NPAS3: variants seen among roughly 807,000 people sequenced by gnomAD.
NPAS3 encodes the protein neuronal PAS domain-containing protein 3.
A neutral mutation model predicts 73.1 loss-of-function variants in NPAS3; 14 were observed. That is an observed-to-expected ratio of 0.19 (90% CI 0.13 to 0.30). NPAS3 has a LOEUF of 0.30. Among genes scored for constraint, NPAS3 ranks in the 10% least tolerant of loss-of-function variants. The pLI is 1.00. For synonymous variants in NPAS3, 620 were observed against 541.5 expected, an observed-to-expected ratio of 1.14 and a Z score of -2.01; for missense variants, 1,096 against 1,250.0, an observed-to-expected ratio of 0.88 and a Z score of 1.86.
At chr14:33,186,894 G>A (rs1463233439) in intron 2 of NPAS3, among the ~76,000 whole-genome samples, 2 of 152,248 alleles carry the variant, frequency 1.3e-5, no homozygotes, top group South Asian at 2.1e-4. Flanking sequence ...CTGGGGAATT[G>A]CTACTGGCAT....
At chr14:33,376,047 C>T (rs2140457502) in intron 4 of NPAS3, among the ~76,000 whole-genome samples, 1 of 152,250 alleles carries the variant, frequency 6.6e-6, no homozygotes, top group Non-Finnish European at 1.5e-5. Flanking sequence ...CAAGAATTAT[C>T]TCACTGGTCT....
chr14:33,774,305 A>C, intron 7 of NPAS3, 32 bp from the exon 8 acceptor site: 1 of 1,559,350 alleles, frequency 6.4e-7, no homozygotes. Context: ...TGTAAATTTG[A>C]CTGGTGTCCT....
At position 33,024,421 on chromosome 14, in the gene NPAS3, C is replaced by T. The variant is rs1010057025; in HGVS notation, c.51-31484C>T. Among the ~76,000 whole-genome samples the T allele has an allele frequency of 1.1e-4, 16 of 152,212 alleles. No individual in the cohort carries two copies. The South Asian group carries it at 2.5e-3, about 24-fold the overall frequency. On this transcript the variant is annotated intron_variant, in intron 1 of 11. Transcript: ENST00000356141. ...TACTGACCTCATGATCCGCCTGCCTCGGCCTCCCAAAGTGCTGGGATTACA... is the reference window on the plus strand; with the variant it reads ...TACTGACCTCATGATCCGCCTGCCTTGGCCTCCCAAAGTGCTGGGATTACA...
At chr14:33,123,068 T>A (rs911875323) in intron 2 of NPAS3, among the ~76,000 whole-genome samples, 6 of 151,860 alleles carry the variant, frequency 4.0e-5, no homozygotes, top group Non-Finnish European at 7.4e-5. Flanking sequence ...ACAACAAAGA[T>A]ATACCTTTTA....
chr14:33,086,046 T>A (rs907880751), intron 2 of NPAS3, among the ~76,000 whole-genome samples: 1 of 152,152 alleles, frequency 6.6e-6, no homozygotes. Flanking sequence ...CAGTACAAGG[T>A]TATTATACTT....
intron 4 of NPAS3, among the ~76,000 whole-genome samples, chr14:33,551,055 A>G (rs1394888408): frequency 6.6e-6 from 1 of 152,222 alleles, no homozygotes; most frequent in Admixed American, 6.5e-5. Context: ...CAAAGAACCT[A>G]TTTACAATGA....
intron 2 of NPAS3, among the ~76,000 whole-genome samples, chr14:33,065,897 G>A (rs1457062564): frequency 6.6e-6 from 1 of 152,086 alleles, no homozygotes; most frequent in East Asian, 1.9e-4. Context: ...AAGGTATACA[G>A]TCTTTTTGAT....
At chr14:33,662,505 T>C (rs946843039) in intron 5 of NPAS3, among the ~76,000 whole-genome samples, 1 of 152,214 alleles carries the variant, frequency 6.6e-6, no homozygotes, top group African/African-American at 2.4e-5. Context: ...GGTAGCTTGA[T>C]GGGGATAGCA....
At chr14:33,798,798 C>A (rs942544348) in intron 11 of NPAS3, among the ~76,000 whole-genome samples, 1 of 152,048 alleles carries the variant, frequency 6.6e-6, no homozygotes. Context: ...AAATTCCTAG[C>A]CCATTGAGCT....
At chr14:33,234,679 T>C (rs689499) in intron 3 of NPAS3, among the ~76,000 whole-genome samples, 1,976 of 152,098 alleles carry the variant, frequency 0.013, 50 homozygotes, top group African/African-American at 0.045. Flanking sequence ...AGACTCTCTT[T>C]TGTCCCATTT....
Position 33,620,221 on chromosome 14 carries a change from A to C in NPAS3, c.559-55990A>C, listed in dbSNP as rs555619263. Among the ~76,000 whole-genome samples the C allele has an allele frequency of 5.6e-4, 85 of 152,326 alleles. 2 individuals are homozygous for C. The highest frequency in any genetic ancestry group is 2.0e-3 in the African/African-American group (84 of 41,584). On this transcript the variant is annotated intron_variant, in intron 5 of 11. Coordinates refer to ENST00000356141, the Ensembl canonical transcript of NPAS3. Reference sequence around the variant, plus strand: ...AATTTAGTATGTTGTAAATCTTTTGACACAGATTCTAATTCATAAATCTCA... The same window carrying C: ...AATTTAGTATGTTGTAAATCTTTTGCCACAGATTCTAATTCATAAATCTCA...
chr14:33,446,396 C>T (rs1435675394), intron 4 of NPAS3, among the ~76,000 whole-genome samples: 2 of 151,468 alleles, frequency 1.3e-5, no homozygotes, highest in Non-Finnish European at 2.9e-5. Flanking sequence ...AGGATGGTCT[C>T]GATCTCCTGA....
chr14:33,537,026 C>CT (rs1351439815), intron 4 of NPAS3, among the ~76,000 whole-genome samples: 8 of 151,928 alleles, frequency 5.3e-5, no homozygotes, highest in Non-Finnish European at 8.8e-5. Context: ...TATTTTCATA[C>CT]TTCAGCAGTA....
At chr14:32,951,678 A>G (rs945626570) in intron 1 of NPAS3, among the ~76,000 whole-genome samples, 2 of 152,144 alleles carry the variant, frequency 1.3e-5, no homozygotes, top group Non-Finnish European at 2.9e-5. Context: ...TGAAGAAGGA[A>G]GTTAACAATG....
intron 7 of NPAS3, among the ~76,000 whole-genome samples, chr14:33,739,916 C>T (rs923808604): frequency 6.6e-6 from 1 of 152,162 alleles, no homozygotes; most frequent in Admixed American, 6.6e-5. Context: ...ACACTTTCAC[C>T]TGGAAAACTC....
intron 2 of NPAS3, among the ~76,000 whole-genome samples, chr14:33,180,120 T>C (rs1202196618): frequency 6.6e-6 from 1 of 152,040 alleles, no homozygotes; most frequent in Non-Finnish European, 1.5e-5. Context: ...GATGACACTA[T>C]TTTAACCCAA....
intron 4 of NPAS3, among the ~76,000 whole-genome samples, chr14:33,406,135 T>C (rs990501231): frequency 2.0e-5 from 3 of 152,120 alleles, no homozygotes; most frequent in African/African-American, 7.2e-5. Flanking sequence ...AAAATATACA[T>C]TCAGAGTTAA....
intron 7 of NPAS3, among the ~76,000 whole-genome samples, chr14:33,752,182 A>C (rs914918338): frequency 6.6e-6 from 1 of 152,212 alleles, no homozygotes; most frequent in Admixed American, 6.5e-5. Flanking sequence ...ATATAATATG[A>C]AACTTTGGTG....
chr14:33,764,593 T>C (rs1355011161), intron 7 of NPAS3, among the ~76,000 whole-genome samples: 1 of 152,170 alleles, frequency 6.6e-6, no homozygotes, highest in Non-Finnish European at 1.5e-5. Context: ...GTTCTGAGTC[T>C]TTTTTTATAT....
Sources: allele counts gnomAD v4.1 joint callset (sites outside exome capture counted in the v4.1 genomes callset), GRCh38; gene constraint gnomAD v4.1.1; transcripts MANE v1.5; gene names NCBI Gene and HGNC (gene_info 2026-07-23, HGNC 2026-07-21).